ZFHX3: variants seen among roughly 807,000 people sequenced by gnomAD.
ZFHX3 encodes zinc finger homeobox protein 3.
A neutral mutation model predicts 279.1 loss-of-function variants in ZFHX3; 42 were observed. The observed-to-expected ratio is 0.15, with a 90% CI of 0.12 to 0.19. The LOEUF is 0.19. Ranked by LOEUF, ZFHX3 falls within the 10% of genes least tolerant of loss-of-function variation. The pLI, the probability that ZFHX3 is intolerant of heterozygous loss-of-function variation, is 1.00. For missense variants in ZFHX3, 4,981 were observed against 4,754.0 expected, an observed-to-expected ratio of 1.05 and a Z score of -1.40; for synonymous variants, 2,293 against 1,957.8, an observed-to-expected ratio of 1.17 and a Z score of -4.52.
intron 1 of ZFHX3, among the ~76,000 whole-genome samples, chr16:73,874,875 A>G (rs2029898932): frequency 6.6e-6 from 1 of 152,216 alleles, no homozygotes; most frequent in Non-Finnish European, 1.5e-5. Context: ...ATACTATGCT[A>G]TTCCTATCTT....
chr16:73,525,717 G>C (rs774595489), intron 2 of ZFHX3, among the ~76,000 whole-genome samples: 1 of 152,042 alleles, frequency 6.6e-6, no homozygotes, highest in Non-Finnish European at 1.5e-5. Context: ...ATATCTCCCC[G>C]ACCTCCTAGA....
chr16:73,387,240 G>C (rs1053495878), intron 3 of ZFHX3: 1 of 152,236 alleles, frequency 6.6e-6, no homozygotes, highest in Non-Finnish European at 1.5e-5. Context: ...GCAGCACCCA[G>C]TGGATTTGTG....
chr16:73,869,738 G>GT (rs1216704573), intron 1 of ZFHX3, among the ~76,000 whole-genome samples: 1 of 152,204 alleles, frequency 6.6e-6, no homozygotes, highest in Non-Finnish European at 1.5e-5. Context: ...AGCTGTGGAG[G>GT]TAACAGTATT....
Position 73,303,849 on chromosome 16 carries a change from C to T in ZFHX3, c.-1194+14391G>A, listed in dbSNP as rs561656137. ...ATTTGGACTACAAATGTGGCACCCT[C>T]GAAACAGGATCAGTGGAAACCGACC... On this transcript the variant is annotated intron_variant, in intron 4 of 17. Transcript: ENST00000641206. 4.0e-5 allele frequency among the ~76,000 whole-genome samples: 6 copies of T among 150,646 alleles called. No homozygotes were observed. The South Asian group carries it at 1.3e-3, about 32-fold the overall frequency.
In ZFHX3 at chr16:73,517,257, G is replaced by C. The variant is rs1255062969; in HGVS notation, c.-1546-60999C>G. Among the ~76,000 whole-genome samples, 7 of 152,106 alleles carry C rather than the reference G, an allele frequency of 4.6e-5. No homozygotes were observed. The East Asian group carries it at 1.4e-3, about 29-fold the overall frequency. On this transcript the variant is annotated intron_variant, in intron 2 of 17. Coordinates refer to the ZFHX3 transcript ENST00000641206. ...AAAGCAATCTAGGCCATCCCTGTTTGGGGATCTCTGCATTTTTCTACCTCT... is the reference window on the plus strand; with the variant it reads ...AAAGCAATCTAGGCCATCCCTGTTTCGGGATCTCTGCATTTTTCTACCTCT...
intron 5 of ZFHX3, among the ~76,000 whole-genome samples, chr16:73,254,385 T>C (rs2013601828): frequency 6.6e-6 from 1 of 151,880 alleles, no homozygotes; most frequent in African/African-American, 2.4e-5. Context: ...TGTTTTGGCT[T>C]CTGCTTGTTG....
At chr16:73,775,045 T>G (rs1376607088) in intron 1 of ZFHX3, among the ~76,000 whole-genome samples, 1 of 152,102 alleles carries the variant, frequency 6.6e-6, no homozygotes, top group Non-Finnish European at 1.5e-5. Flanking sequence ...CATCCCCGCC[T>G]CTTCTCATTC....
Position 72,787,739 on chromosome 16 carries a change from T to G in ZFHX3, c.10537A>C (p.Ser3513Arg), listed in dbSNP as rs200561133. The G allele has an allele frequency of 6.4e-6, 9 of 1,396,780 alleles. No individual in the cohort carries two copies. The highest frequency in any genetic ancestry group is 4.1e-5 in the South Asian group (2 of 49,206). The allele number at this position is 1,396,780 out of a possible 1,614,324, so 86.5% of individuals were successfully genotyped here. A position where few individuals can be genotyped will look rare whatever the true frequency, so the allele number is the denominator to read the frequency against. Residue 3513 changes from serine to arginine, a missense_variant, in exon 10 of 10, where the codon AGT becomes CGT. Ser to Arg is a moderately radical substitution (Grantham distance 110, BLOSUM62 -1). Transcript: ENST00000268489. The stretch of plus-strand genomic sequence containing the variant: ...CCGCCACCGCCGCCGCCGCCGCCAC[T>G]GCCACCGCCGCCGCCGCCGGTGGGG... ...HVPTGGGGGG[S>R]GGGGGGGGGG... is the part of the protein sequence containing the mutation.
chr16:73,014,241 C>A (rs955809858), intron 1 of ZFHX3: 2 of 152,010 alleles, frequency 1.3e-5, no homozygotes, highest in Admixed American at 6.5e-5. Context: ...CTTCAGCCTA[C>A]TGAAACTGAT....
chr16:73,137,480 G>A (rs1259137296), intron 6 of ZFHX3: 1 of 151,946 alleles, frequency 6.6e-6, no homozygotes, highest in East Asian at 1.9e-4. Flanking sequence ...GATTAAGAAC[G>A]GGCATTTTAT....
chr16:73,181,770 G>C (rs981944693), intron 5 of ZFHX3, among the ~76,000 whole-genome samples: 1 of 152,124 alleles, frequency 6.6e-6, no homozygotes, highest in Non-Finnish European at 1.5e-5. Flanking sequence ...TATAGTTCCC[G>C]TTAGGGCTGC....
intron 3 of ZFHX3, among the ~76,000 whole-genome samples, chr16:73,323,652 G>A (rs1222753512): frequency 6.6e-6 from 1 of 152,212 alleles, no homozygotes; most frequent in Non-Finnish European, 1.5e-5. Context: ...GACTGTACAT[G>A]TCTTTGGGTA....
At chr16:73,429,622 C>T (rs189720560) in intron 3 of ZFHX3, among the ~76,000 whole-genome samples, 276 of 152,204 alleles carry the variant, frequency 1.8e-3, no homozygotes, top group East Asian at 3.9e-3. Flanking sequence ...CATGAGCCAC[C>T]GCACCAGGCC....
intron 4 of ZFHX3, among the ~76,000 whole-genome samples, chr16:72,850,310 C>A (rs915073705): frequency 2.0e-5 from 3 of 152,252 alleles, no homozygotes; most frequent in African/African-American, 7.2e-5. Context: ...ATCACCTGCC[C>A]ATCTTCACTC....
intron 2 of ZFHX3, among the ~76,000 whole-genome samples, chr16:73,586,113 G>C (rs1017948731): frequency 4.6e-5 from 7 of 152,064 alleles, no homozygotes; most frequent in African/African-American, 1.5e-4. Context: ...CAAAAGCCAG[G>C]CATGGTGGCT....
chr16:73,682,951 AAAG>A (rs2053036396), intron 1 of ZFHX3, among the ~76,000 whole-genome samples: 4 of 18,808 alleles, frequency 2.1e-4, no homozygotes, highest in African/African-American at 3.3e-4. Flanking sequence ...AGAAAGAAAG[AAAG>A]AAAGAAAGAA....
At chr16:73,506,783 A>T (rs988178330) in intron 2 of ZFHX3, among the ~76,000 whole-genome samples, 4 of 152,182 alleles carry the variant, frequency 2.6e-5, no homozygotes, top group African/African-American at 9.7e-5. Context: ...ATGACAGGAG[A>T]CAGCAGGTTG....
At position 73,440,690 on chromosome 16, in the gene ZFHX3, G is replaced by A. The variant is rs891416269; in HGVS notation, c.-1291+15313C>T. Among the ~76,000 whole-genome samples, 32 of 152,174 alleles carry A rather than the reference G, an allele frequency of 2.1e-4. 1 individual carries two copies. The highest frequency in any genetic ancestry group is 7.7e-4 in the African/African-American group (32 of 41,422). On this transcript the variant is annotated intron_variant, in intron 3 of 17. Transcript: ENST00000641206. ...CAATTCACCAGCCACTATTTTGGAA[G>A]AAGATGAACATTTTCAGGACCTAAG... is the stretch of plus-strand genomic sequence containing the variant.
At chr16:73,458,485 C>T (rs2018414835) in intron 2 of ZFHX3, among the ~76,000 whole-genome samples, 1 of 152,054 alleles carries the variant, frequency 6.6e-6, no homozygotes, top group African/African-American at 2.4e-5. Flanking sequence ...AAGCAAATCT[C>T]ATGCCTCAGC....
Sources: gnomAD v4.1 joint callset for allele counts (sites outside exome capture counted in the v4.1 genomes callset) on GRCh38, gnomAD v4.1.1 for gene constraint, MANE v1.5 for transcripts, NCBI Gene and HGNC (gene_info 2026-07-23, HGNC 2026-07-21) for gene names.